PHKA1: variants seen among roughly 807,000 people sequenced by gnomAD.
PHKA1 encodes phosphorylase b kinase regulatory subunit alpha, skeletal muscle isoform.
Under a neutral mutation model 110.2 loss-of-function variants are expected in PHKA1, and 60 were observed. The ratio of observed to expected loss-of-function variants is 0.54; its 90% confidence interval spans 0.44 to 0.68. PHKA1 has a LOEUF of 0.68. Ranked by LOEUF, PHKA1 falls within the 30% of genes least tolerant of loss-of-function variation. PHKA1 has a pLI of 0.00. For missense variants in PHKA1, 801 were observed against 942.5 expected (o/e 0.85, Z 1.97); for synonymous variants, 316 against 333.6 (o/e 0.95, Z 0.58).
intron 21 of PHKA1, among the ~76,000 whole-genome samples, chrX:72,611,681 T>A (rs1179424778): frequency 8.9e-6 from 1 of 112,038 alleles, no homozygotes; most frequent in African/African-American, 3.2e-5. Context: ...CTTTTAAAGA[T>A]AGGAAAAGGT....
chrX:72,669,828 C>T (rs782376893), intron 6 of PHKA1, among the ~76,000 whole-genome samples: 5 of 110,430 alleles, frequency 4.5e-5, no homozygotes, highest in East Asian at 2.9e-4. Context: ...GTGAATAGTG[C>T]GGCTATAAAC....
At chrX:72,709,652 C>T (rs899754307) in intron 2 of PHKA1, among the ~76,000 whole-genome samples, 2 of 110,341 alleles carry the variant, frequency 1.8e-5, no homozygotes, top group African/African-American at 3.3e-5. Context: ...TAAAATCACC[C>T]GGGTAGTTTT....
chrX:72,626,339 A>T (rs1349353829), intron 17 of PHKA1, among the ~76,000 whole-genome samples: 1 of 110,943 alleles, frequency 9.0e-6, no homozygotes, highest in Non-Finnish European at 1.9e-5. Context: ...ATAAAAACTT[A>T]AGTGGAAAAA....
chrX:72,655,150 G>A (rs965659155), intron 10 of PHKA1, among the ~76,000 whole-genome samples: 1 of 111,675 alleles, frequency 9.0e-6, no homozygotes, highest in Non-Finnish European at 1.9e-5. Flanking sequence ...GCTCATGCCT[G>A]TAATCCCAGC....
At chrX:72,628,596 A>AT (rs57263040) in intron 16 of PHKA1, among the ~76,000 whole-genome samples, 1,335 of 95,199 alleles carry the variant, frequency 0.014, 22 homozygotes, top group African/African-American at 0.047. Flanking sequence ...ATATATATAT[A>AT]TTTTTTTTTT....
chrX:72,665,341 A>G (rs2053605584), intron 8 of PHKA1, among the ~76,000 whole-genome samples: 1 of 111,920 alleles, frequency 8.9e-6, no homozygotes, highest in African/African-American at 3.2e-5. Context: ...GATTGAACCA[A>G]GAAGAAATAG....
intron 3 of PHKA1, among the ~76,000 whole-genome samples, chrX:72,696,251 C>T (rs1221128675): frequency 8.9e-6 from 1 of 111,856 alleles, no homozygotes; most frequent in African/African-American, 3.2e-5. Flanking sequence ...TGAAAAGATA[C>T]ATTTGTTCCT....
intron 6 of PHKA1, among the ~76,000 whole-genome samples, chrX:72,671,492 G>A (rs1422352080): frequency 3.6e-5 from 4 of 111,708 alleles, no homozygotes; most frequent in East Asian, 5.6e-4. Context: ...AATCAATATC[G>A]TGAAAATGGC....
chrX:72,640,787 G>C (rs1226040775), intron 14 of PHKA1, among the ~76,000 whole-genome samples: 1 of 111,549 alleles, frequency 9.0e-6, no homozygotes, highest in Non-Finnish European at 1.9e-5. Flanking sequence ...AGAATTAGGA[G>C]ATAAATTCAT....
chrX:72,697,221 T>C (rs1388200723), intron 3 of PHKA1: 2 of 111,553 alleles, frequency 1.8e-5, no homozygotes, highest in African/African-American at 3.3e-5. Context: ...TTTGGGATTC[T>C]GTCTTGAAAA....
rs1168071498 is a variant in PHKA1, at chrX:72,687,231, T to TAA, written c.455-2653_455-2652dup. On this transcript the variant is annotated intron_variant, in intron 4 of 31. Coordinates refer to ENST00000373542, the MANE Select transcript of PHKA1 (RefSeq NM_002637.4). ...TATGTATGGTCTTAGTATATATATA[T>TAA]AAAATGGCATATGTATGGTCTTGGT... is the stretch of plus-strand genomic sequence containing the variant. Among the ~76,000 whole-genome samples the TAA allele has an allele frequency of 8.9e-5, 10 of 111,788 alleles. No homozygotes were observed. In the East Asian group the frequency reaches 2.8e-3, roughly 31 times the overall value.
intron 28 of PHKA1, among the ~76,000 whole-genome samples, chrX:72,597,505 C>A (rs997440986): frequency 4.5e-5 from 5 of 111,175 alleles, no homozygotes; most frequent in African/African-American, 1.6e-4. Context: ...AGACTTTGAC[C>A]AATGACTCTT....
At chrX:72,661,956 G>A (rs781962049) in intron 8 of PHKA1, among the ~76,000 whole-genome samples, 1 of 111,168 alleles carries the variant, frequency 9.0e-6, no homozygotes, top group East Asian at 2.9e-4. Context: ...AGAGAGGAGA[G>A]CGAGGCACCC....
At chrX:72,608,553 G>C (rs781883018) in intron 23 of PHKA1, among the ~76,000 whole-genome samples, 60 of 111,303 alleles carry the variant, frequency 5.4e-4, no homozygotes, top group Non-Finnish European at 9.2e-4. Flanking sequence ...TTAGTACCCA[G>C]AGCACTTTAA....
intron 21 of PHKA1, 65 bp downstream of exon 21, chrX:72,618,645 A>G: frequency 2.1e-6 from 2 of 965,112 alleles, no homozygotes; most frequent in South Asian, 2.0e-5. Context: ...GCTGTGCTCT[A>G]TTTATTATGC....
intron 4 of PHKA1, among the ~76,000 whole-genome samples, chrX:72,690,002 T>C (rs183275939): frequency 1.1e-3 from 124 of 112,356 alleles, no homozygotes; most frequent in Middle Eastern, 4.6e-3. Context: ...ATTGGTTATC[T>C]GAACATCTTT....
intron 5 of PHKA1, among the ~76,000 whole-genome samples, chrX:72,678,073 A>C (rs1300509795): frequency 9.1e-6 from 1 of 109,890 alleles, no homozygotes; most frequent in African/African-American, 3.3e-5. Flanking sequence ...AAAATAAAAC[A>C]CTCCCTTTTT....
In PHKA1 at chrX:72,580,817, T is replaced by C; in HGVS notation, c.*185A>G. 2.1e-6 allele frequency: 1 copy of C among 470,838 alleles called. No homozygotes were observed. Among genetic ancestry groups the C allele is most frequent in the Non-Finnish European group, 3.8e-6 (1 of 265,206 alleles). The allele number at this position is 470,838 out of a possible 1,213,427, so 38.8% of individuals were successfully genotyped here. On this transcript the variant is annotated 3_prime_UTR_variant, in exon 32 of 32. Transcript: ENST00000373542. ...TGTCACTGGTTCTGCAAGGTGAGCC[T>C]CCAGGTAAGTGTTCACTTCTTCTAC...
chrX:72,615,071 C>A (rs181664292), intron 21 of PHKA1, among the ~76,000 whole-genome samples: 1 of 110,712 alleles, frequency 9.0e-6, no homozygotes, highest in African/African-American at 3.3e-5. Context: ...ATAAGCCTAA[C>A]GGCAGACTTC....
Sources: gnomAD v4.1 joint callset for allele counts (sites outside exome capture counted in the v4.1 genomes callset) on GRCh38, gnomAD v4.1.1 for gene constraint, MANE v1.5 for transcripts, NCBI Gene and HGNC (gene_info 2026-07-23, HGNC 2026-07-21) for gene names.